The following SEC23IP variants were observed in gnomAD, a reference collection of about 807,000 sequenced individuals.
SEC23IP encodes the protein SEC23-interacting protein.
In SEC23IP, 70 loss-of-function variants were observed where a neutral mutation model predicts 113.4. The observed-to-expected ratio is 0.62, with a 90% CI of 0.51 to 0.75. SEC23IP has a LOEUF of 0.75. Among genes scored for constraint, SEC23IP ranks in the 30% least tolerant of loss-of-function variants. The pLI is 0.00. For missense variants in SEC23IP, 1,160 were observed against 1,204.9 expected (o/e 0.96, Z 0.55); for synonymous variants, 398 against 421.0 (o/e 0.95, Z 0.67).
At chr10:119,906,029 A>T (rs1009111231) in intron 4 of SEC23IP, among the ~76,000 whole-genome samples, 15 of 151,922 alleles carry the variant, frequency 9.9e-5, no homozygotes, top group African/African-American at 3.4e-4. Flanking sequence ...TAATCCCAGC[A>T]CTCTGGGAGG....
intron 18 of SEC23IP, among the ~76,000 whole-genome samples, chr10:119,939,266 C>G (rs1447529462): frequency 1.3e-5 from 2 of 152,046 alleles, no homozygotes; most frequent in African/African-American, 4.8e-5. Flanking sequence ...CTGCAGTGAG[C>G]TGTGATCGTA....
chr10:119,896,941 T>A (rs2134448683), intron 1 of SEC23IP, among the ~76,000 whole-genome samples: 1 of 152,316 alleles, frequency 6.6e-6, no homozygotes, highest in East Asian at 1.9e-4. Flanking sequence ...GGATATTTTA[T>A]TTTTAGTTAC....
At position 119,927,560 on chromosome 10, in the gene SEC23IP, C is replaced by T. The variant is rs191426360; in HGVS notation, c.2313+1333C>T. On this transcript the variant is annotated intron_variant, in intron 13 of 18. Coordinates refer to ENST00000369075, the MANE Select transcript of SEC23IP (RefSeq NM_007190.4). Reference sequence around the variant, plus strand: ...CTCCTTATCTCTTAATATCATCTTCCCTCTGTGAGTGTCTGTCAGTGTGTC... The same window carrying T: ...CTCCTTATCTCTTAATATCATCTTCTCTCTGTGAGTGTCTGTCAGTGTGTC... 3.0e-3 allele frequency among the ~76,000 whole-genome samples: 453 copies of T among 152,294 alleles called. 3 individuals are homozygous for T. The highest frequency in any genetic ancestry group is 0.01 in the African/African-American group (416 of 41,568).
rs781519695 is a variant in SEC23IP at position 119,932,229 on chromosome 10, G to A, written c.2669G>A (p.Arg890His). 2.7e-5 allele frequency: 43 copies of A among 1,613,276 alleles called. No individual in the cohort carries two copies. Among genetic ancestry groups the A allele is most frequent in the Admixed American group, 5.0e-5 (3 of 59,990 alleles). Residue 890 changes from arginine to histidine, a missense_variant, in exon 16 of 19, where the codon CGT (arginine) becomes CAT (histidine). Physicochemically the swap from Arg to His is conservative, Grantham distance 29 (BLOSUM62 0). Transcript: ENST00000369075. The part of the protein sequence containing the change: ...SAWQTLNEFA[R>H]AHTSSTQLQE... Reference sequence around the variant, plus strand: ...TGGCAGACATTAAATGAGTTTGCCCGTGCTCATACGTCTTCAACCCAGTTG... The same window carrying A: ...TGGCAGACATTAAATGAGTTTGCCCATGCTCATACGTCTTCAACCCAGTTG...
chr10:119,915,008 C>G (rs1202049644), intron 7 of SEC23IP, among the ~76,000 whole-genome samples, 189 bp downstream of exon 7: 1 of 152,168 alleles, frequency 6.6e-6, no homozygotes, highest in Non-Finnish European at 1.5e-5. Flanking sequence ...GTGACGCATA[C>G]AATCCCAGAC....
chr10:119,903,439 C>T (rs904684848), intron 3 of SEC23IP, among the ~76,000 whole-genome samples: 3 of 152,098 alleles, frequency 2.0e-5, no homozygotes, highest in Non-Finnish European at 4.4e-5. Context: ...TGCAGGAGTA[C>T]ATTAATGCTT....
chr10:119,911,420 C>T (rs148991604), intron 5 of SEC23IP, among the ~76,000 whole-genome samples: 145 of 151,926 alleles, frequency 9.5e-4, no homozygotes, highest in African/African-American at 3.0e-3. Flanking sequence ...GCCACTGCAC[C>T]GGGCCTGTCC....
chr10:119,934,288 A>G (rs1443356022), intron 18 of SEC23IP, among the ~76,000 whole-genome samples: 2 of 152,222 alleles, frequency 1.3e-5, no homozygotes, highest in African/African-American at 4.8e-5. Flanking sequence ...GGGAGAGGGT[A>G]GTACTCCTCA....
chr10:119,921,015 A>G, intron 12 of SEC23IP, 31 bp downstream of exon 12: 1 of 1,476,358 alleles, frequency 6.8e-7, no homozygotes. Flanking sequence ...AAGAAAAACT[A>G]AAACTCATGG....
At chr10:119,907,954 G>T (rs2134470675) in intron 4 of SEC23IP, among the ~76,000 whole-genome samples, 1 of 152,086 alleles carries the variant, frequency 6.6e-6, no homozygotes, top group South Asian at 2.1e-4. Flanking sequence ...TCTGTCTCAA[G>T]AAAATAAAAA....
rs530862646 is a variant in SEC23IP, at chr10:119,905,146, A to G, written c.1101+869A>G. ...TGAGACCCTTCCTCAGAAAAAAAAA[A>G]AGTATATATTTGTATATGTGCATAT... is the stretch of plus-strand genomic sequence containing the variant. On this transcript the variant is annotated intron_variant, in intron 4 of 18. Coordinates refer to ENST00000369075, the MANE Select transcript of SEC23IP (RefSeq NM_007190.4). Among the ~76,000 whole-genome samples the G allele has an allele frequency of 2.6e-5, 4 of 152,274 alleles. No individual in the cohort carries two copies. The East Asian group carries it at 7.7e-4, about 29-fold the overall frequency.
At chr10:119,905,607 T>C (rs1854636872) in intron 4 of SEC23IP, among the ~76,000 whole-genome samples, 1 of 152,188 alleles carries the variant, frequency 6.6e-6, no homozygotes, top group Non-Finnish European at 1.5e-5. Context: ...ATGATACGTA[T>C]TGCTCAGCAT....
In SEC23IP at chr10:119,933,755, G is replaced by T. The variant is rs752944322; in HGVS notation, c.2991G>T (p.Gln997His). 1.2e-5 allele frequency: 19 copies of T among 1,578,386 alleles called. No individual in the cohort carries two copies. Among genetic ancestry groups the T allele is most frequent in the Non-Finnish European group, 1.7e-5 (19 of 1,148,322 alleles). ...IYRTMNISPE[Q>H]PQH ...GAACAATGAACATTAGTCCAGAACA[G>T]CCCCAGCATTGATCAAACTTCAGTT... The change falls in exon 18 of 19, where the codon CAG becomes CAT. Residue 997 changes from glutamine (Q) to histidine (H), a missense_variant. Coordinates refer to ENST00000369075, the MANE Select transcript of SEC23IP (RefSeq NM_007190.4).
At chr10:119,907,662 T>C (rs1462032767) in intron 4 of SEC23IP, among the ~76,000 whole-genome samples, 1 of 151,724 alleles carries the variant, frequency 6.6e-6, no homozygotes, top group Non-Finnish European at 1.5e-5. Context: ...ACAATAAAAA[T>C]AACACAGGCT....
chr10:119,914,791 C>A lies in SEC23IP; in HGVS notation c.1374C>A (p.Asp458Glu), dbSNP rs377673883. 2 of 1,613,932 alleles carry A rather than the reference C, an allele frequency of 1.2e-6. No individual in the cohort carries two copies. Among genetic ancestry groups the A allele is most frequent in the South Asian group, 1.1e-5 (1 of 91,072 alleles). ...TGCATGGCATTGGACCTGTGTGTGA[C>A]TTACGCTTTAGGAGCATTATTGAGT... is the stretch of plus-strand genomic sequence containing the variant. ...FVVHGIGPVC[D>E]LRFRSIIECV... The change falls in exon 7 of 19, where the codon GAC (aspartate) becomes GAA (glutamate). Residue 458 changes from aspartate (D) to glutamate (E), a missense_variant. Asp to Glu is a conservative substitution (Grantham distance 45, BLOSUM62 2). Coordinates refer to ENST00000369075, the MANE Select transcript of SEC23IP (RefSeq NM_007190.4).
At chr10:119,902,108 A>G (rs759369790) in intron 2 of SEC23IP, among the ~76,000 whole-genome samples, 2 of 152,184 alleles carry the variant, frequency 1.3e-5, no homozygotes, top group Non-Finnish European at 2.9e-5. Flanking sequence ...TGTAATCCCA[A>G]CACTTTGAGA....
At chr10:119,904,778 A>G (rs1441224034) in intron 4 of SEC23IP, 1 of 153,242 alleles carries the variant, frequency 6.5e-6, no homozygotes, top group Non-Finnish European at 1.5e-5. Flanking sequence ...TGAATGTTAG[A>G]TATTTGAAAT....
At chr10:119,926,379 T>C (rs1343096434) in intron 13 of SEC23IP, 152 bp downstream of exon 13, 1 of 708,480 alleles carries the variant, frequency 1.4e-6, no homozygotes, top group East Asian at 2.7e-5. Context: ...TTTTTTCTTC[T>C]TCAACAGTGC....
intron 1 of SEC23IP, among the ~76,000 whole-genome samples, chr10:119,895,816 C>T (rs1029584265): frequency 1.5e-5 from 2 of 136,322 alleles, no homozygotes; most frequent in Non-Finnish European, 3.3e-5. Flanking sequence ...TCACCTTTGT[C>T]TCCTCTCCCC....
Sources: gnomAD v4.1 joint callset for allele counts (sites outside exome capture counted in the v4.1 genomes callset) on GRCh38, gnomAD v4.1.1 for gene constraint, MANE v1.5 for transcripts, NCBI Gene and HGNC (gene_info 2026-07-23, HGNC 2026-07-21) for gene names.